Variants in MAST4 observed in about 807,000 individuals in gnomAD.
The protein encoded by MAST4 is microtubule associated serine/threonine kinase family member 4, also known as microtubule-associated serine/threonine-protein kinase 4.
In MAST4, 89 loss-of-function variants were observed where a neutral mutation model predicts 162.7. The ratio of observed to expected loss-of-function variants is 0.55; its 90% CI spans 0.46 to 0.65. The LOEUF (loss-of-function observed/expected upper bound fraction) is 0.65, where lower values mean the gene tolerates loss of function less well. Among genes scored for constraint, MAST4 ranks in the 30% least tolerant of loss-of-function variants. MAST4 has a pLI of 0.00. For missense variants in MAST4, 3,153 were observed against 3,374.0 expected, an observed-to-expected ratio of 0.93 and a Z score of 1.62; for synonymous variants, 1,479 against 1,361.1, an observed-to-expected ratio of 1.09 and a Z score of -1.91.
chr5:66,887,211 A>G (rs935588083), intron 3 of MAST4, among the ~76,000 whole-genome samples: 3 of 152,220 alleles, frequency 2.0e-5, no homozygotes, highest in Non-Finnish European at 2.9e-5. Context: ...ATATATTTTA[A>G]AAAAGGGAAA....
intron 5 of MAST4, among the ~76,000 whole-genome samples, chr5:67,063,198 A>G (rs367851747): frequency 6.6e-5 from 10 of 152,032 alleles, no homozygotes; most frequent in South Asian, 6.2e-4. Flanking sequence ...GTAATTGCCA[A>G]TTGTTACTTA....
At chr5:66,864,648 C>CT (rs1268716384) in intron 3 of MAST4, among the ~76,000 whole-genome samples, 1 of 151,284 alleles carries the variant, frequency 6.6e-6, no homozygotes, top group Non-Finnish European at 1.5e-5. Flanking sequence ...ATTATGTCCC[C>CT]CCCCGAAAAT....
intron 1 of MAST4, among the ~76,000 whole-genome samples, chr5:66,627,079 C>T (rs551215740): frequency 2.8e-4 from 43 of 152,236 alleles, no homozygotes; most frequent in Admixed American, 2.0e-3. Flanking sequence ...TAAAGGAAAG[C>T]GGCTTAATTG....
chr5:66,706,357 A>T (rs1419754301), intron 1 of MAST4, among the ~76,000 whole-genome samples: 1 of 152,192 alleles, frequency 6.6e-6, no homozygotes, highest in Non-Finnish European at 1.5e-5. Flanking sequence ...GACAGAGCCA[A>T]GCCCCAAACC....
At chr5:67,090,974 G>A (rs1023853729) in intron 6 of MAST4, among the ~76,000 whole-genome samples, 6 of 151,946 alleles carry the variant, frequency 3.9e-5, no homozygotes, top group Middle Eastern at 3.4e-3. Context: ...GAAAAACACC[G>A]AGAAAACAAA....
At chr5:66,827,033 G>A (rs144838920) in intron 3 of MAST4, among the ~76,000 whole-genome samples, 1,540 of 152,324 alleles carry the variant, frequency 0.01, 14 homozygotes, top group Middle Eastern at 0.017. Context: ...AGGTGAGCCT[G>A]TGAAGGTTGG....
Position 67,164,376 on chromosome 5 carries a change from C to T in MAST4, c.5197C>T (p.Pro1733Ser). 1 of 1,613,988 alleles carries T rather than the reference C, an allele frequency of 6.2e-7. No individual in the cohort carries two copies. Among genetic ancestry groups the T allele is most frequent in the South Asian group, 1.1e-5 (1 of 91,084 alleles). Reference sequence around the variant, plus strand: ...ACCCACGGGTGGGCAGCAGGAGCCCCCGCCGGCTTCTGAGAGCCGAGCTTT... The same window carrying T: ...ACCCACGGGTGGGCAGCAGGAGCCCTCGCCGGCTTCTGAGAGCCGAGCTTT... The part of the protein sequence containing the change: ...VRPTGGQQEP[P>S]PASESRAFVS... Residue 1733 changes from proline to serine, a missense_variant, in exon 29 of 29, where the codon CCG becomes TCG. Pro to Ser is a moderately conservative substitution (Grantham distance 74, BLOSUM62 -1). Around this residue, in one of 7 missense-constraint regions of MAST4, gnomAD observed 1,644 missense variants for 1,495.0 expected, o/e 1.10. Coordinates refer to ENST00000403625, the MANE Select transcript of MAST4 (RefSeq NM_001164664.2). This position sits in a 1 kb window ranked among gnomAD's most constrained non-coding sequence, Gnocchi z 5.3.
chr5:66,970,591 T>C (rs1240631351), intron 4 of MAST4, among the ~76,000 whole-genome samples: 2 of 152,204 alleles, frequency 1.3e-5, no homozygotes, highest in Non-Finnish European at 2.9e-5. Context: ...TTGTTTGTCA[T>C]GATGGTTTGT....
At chr5:66,951,596 ATATGTGTGTGTGTGTGTG>A (rs1248259297) in intron 4 of MAST4, among the ~76,000 whole-genome samples, 1 of 114,760 alleles carries the variant, frequency 8.7e-6, no homozygotes, top group Non-Finnish European at 1.8e-5. Context: ...GCCTCCCATG[ATATGTGTGTGTGTGTGTG>A]TGTGTGTGTG....
chr5:66,789,353 A>T (rs1755276345), intron 3 of MAST4, among the ~76,000 whole-genome samples: 1 of 152,144 alleles, frequency 6.6e-6, no homozygotes, highest in South Asian at 2.1e-4. Context: ...TTTCAGTTTT[A>T]TCGATTGACT....
At chr5:66,788,144 C>T (rs1241597419) in intron 2 of MAST4, among the ~76,000 whole-genome samples, 1 of 152,196 alleles carries the variant, frequency 6.6e-6, no homozygotes, top group Non-Finnish European at 1.5e-5. Flanking sequence ...CCCACAGACA[C>T]AGTTGGATGG....
At chr5:66,642,350 C>T (rs943785522) in intron 1 of MAST4, among the ~76,000 whole-genome samples, 8 of 152,142 alleles carry the variant, frequency 5.3e-5, no homozygotes, top group African/African-American at 1.7e-4. Flanking sequence ...GGAACCTCAA[C>T]ATTATAAAAA....
chr5:67,107,847 G>A (rs970269828), intron 10 of MAST4, among the ~76,000 whole-genome samples: 2 of 152,144 alleles, frequency 1.3e-5, no homozygotes, highest in Non-Finnish European at 2.9e-5. Context: ...AAATACATAG[G>A]AAGCTCTAAC....
intron 4 of MAST4, among the ~76,000 whole-genome samples, chr5:66,962,041 T>TA (rs779812953): frequency 6.6e-6 from 1 of 152,240 alleles, no homozygotes; most frequent in Non-Finnish European, 1.5e-5. Flanking sequence ...TTAAGACAAA[T>TA]ACAGCCAAGT....
At chr5:67,079,177 A>T (rs1350945955) in intron 5 of MAST4, among the ~76,000 whole-genome samples, 1 of 151,280 alleles carries the variant, frequency 6.6e-6, no homozygotes, top group Non-Finnish European at 1.5e-5. Context: ...TATTTAGAAG[A>T]TATTCATTGA....
chr5:67,079,452 AC>A (rs1448818323), intron 5 of MAST4, among the ~76,000 whole-genome samples: 1 of 152,174 alleles, frequency 6.6e-6, no homozygotes, highest in Non-Finnish European at 1.5e-5. Flanking sequence ...ATAGGTACAT[AC>A]CCTATCAAAA....
chr5:66,903,307 A>G (rs1267552022), intron 4 of MAST4, among the ~76,000 whole-genome samples: 1 of 152,144 alleles, frequency 6.6e-6, no homozygotes, highest in Non-Finnish European at 1.5e-5. Flanking sequence ...TATTTTTGGT[A>G]TTCTTGAAAT....
At chr5:66,953,667 C>T (rs1744954552) in intron 4 of MAST4, among the ~76,000 whole-genome samples, 1 of 152,026 alleles carries the variant, frequency 6.6e-6, no homozygotes, top group African/African-American at 2.4e-5. Context: ...GAGTGCTCCT[C>T]CCTTGCCCCA....
intron 4 of MAST4, among the ~76,000 whole-genome samples, chr5:67,051,176 A>G: frequency 7.2e-6 from 1 of 138,254 alleles, no homozygotes. Context: ...CCCTTGGGTG[A>G]CTTTGCTTGA....
Sources: gnomAD v4.1 joint callset for allele counts (sites outside exome capture counted in the v4.1 genomes callset) on GRCh38, gnomAD v4.1.1 for gene constraint, gnomAD v4.1.1 regional missense constraint, Gnocchi (gnomAD v3.1) non-coding constraint, MANE v1.5 for transcripts, NCBI Gene and HGNC (gene_info 2026-07-23, HGNC 2026-07-21) for gene names.